MTUS2: variants seen among roughly 807,000 people sequenced by gnomAD.
The protein encoded by MTUS2 is microtubule associated scaffold protein 2, also known as microtubule-associated tumor suppressor candidate 2.
In MTUS2, 40 loss-of-function variants were observed where a neutral mutation model predicts 114.1. That is an observed-to-expected ratio of 0.35 (90% confidence interval 0.27 to 0.46). The LOEUF is 0.46. MTUS2 is among the 20% of genes least tolerant of loss of function. MTUS2 has a pLI of 1.00. For synonymous variants in MTUS2, 688 were observed against 672.0 expected (o/e 1.02, Z -0.37); for missense variants, 1,679 against 1,705.4 (o/e 0.98, Z 0.27).
chr13:28,871,119 A>G (rs1319084030), intron 2 of MTUS2, among the ~76,000 whole-genome samples: 2 of 152,232 alleles, frequency 1.3e-5, no homozygotes, highest in Non-Finnish European at 1.5e-5. Flanking sequence ...TGTAATCCTT[A>G]TAGCTTCATG....
chr13:28,999,971 A>G (rs1885308813), intron 2 of MTUS2, among the ~76,000 whole-genome samples: 1 of 152,208 alleles, frequency 6.6e-6, no homozygotes, highest in Non-Finnish European at 1.5e-5. Context: ...TTAATAGCTG[A>G]ATAGTATTCC....
chr13:29,194,438 A>G (rs1894585718), intron 5 of MTUS2, among the ~76,000 whole-genome samples: 1 of 151,798 alleles, frequency 6.6e-6, no homozygotes, highest in African/African-American at 2.4e-5. Flanking sequence ...GGCGAAGGAC[A>G]TGAACAGACA....
At chr13:29,464,425 T>A (rs7987266) in intron 9 of MTUS2, among the ~76,000 whole-genome samples, 3,375 of 152,328 alleles carry the variant, frequency 0.022, 110 homozygotes, top group African/African-American at 0.073. Flanking sequence ...GGAGAGTCAG[T>A]GTGGCAGCCC....
At chr13:28,917,427 T>C (rs941991083) in intron 2 of MTUS2, among the ~76,000 whole-genome samples, 2 of 151,884 alleles carry the variant, frequency 1.3e-5, no homozygotes, top group African/African-American at 4.8e-5. Flanking sequence ...TATTGCAGTT[T>C]CTGTCTCATT....
intron 5 of MTUS2, among the ~76,000 whole-genome samples, chr13:29,249,037 G>A (rs1248734326): frequency 5.9e-5 from 9 of 152,124 alleles, no homozygotes; most frequent in African/African-American, 2.2e-4. Flanking sequence ...ACCCAGGCTG[G>A]AGTGCAGTGG....
intron 3 of MTUS2, 75 bp from the exon 4 acceptor site, chr13:29,033,810 C>T (rs969222896): frequency 2.0e-5 from 32 of 1,563,316 alleles, no homozygotes; most frequent in South Asian, 5.9e-5. Flanking sequence ...GGTTCAGCCT[C>T]GGTCTCGTGG....
chr13:29,022,569 A>G (rs1886337256), intron 2 of MTUS2, among the ~76,000 whole-genome samples: 1 of 152,208 alleles, frequency 6.6e-6, no homozygotes, highest in South Asian at 2.1e-4. Flanking sequence ...TTGCCATGTA[A>G]CCTGTTTCAG....
At chr13:29,469,238 C>T (rs558719021) in intron 9 of MTUS2, among the ~76,000 whole-genome samples, 1 of 152,328 alleles carries the variant, frequency 6.6e-6, no homozygotes, top group East Asian at 1.9e-4. Flanking sequence ...TGTGACCACT[C>T]CCCTTCCTGG....
intron 8 of MTUS2, among the ~76,000 whole-genome samples, chr13:29,393,530 C>G (rs11838932): frequency 0.041 from 6,252 of 152,266 alleles, 438 homozygotes; most frequent in African/African-American, 0.14. Context: ...TCCTTCCCTT[C>G]CCCTGCAGTC....
intron 5 of MTUS2, among the ~76,000 whole-genome samples, chr13:29,156,727 T>C (rs9579299): frequency 0.15 from 23,073 of 152,188 alleles, 1,933 homozygotes; most frequent in Middle Eastern, 0.21. Context: ...GTTATTCGTT[T>C]ATATGAAAAG....
rs1296505813 is a variant in MTUS2 at position 29,480,209 on chromosome 13, T to A, written c.3244T>A (p.Phe1082Ile). ...GGAGAAGGAGGAGCTGGAGAGGCGG[T>A]TCGAGGACGAGGTGAAGAGGCTGGG... ...QKEKEELERR[F>I]EDEVKRLGWQ... The change falls in exon 10 of 16, where the codon TTC (phenylalanine) becomes ATC (isoleucine). Residue 1082 changes from phenylalanine (F) to isoleucine (I), a missense_variant. Around this residue, in one of 3 missense-constraint regions of MTUS2, gnomAD observed 822 missense variants for 899.7 expected, o/e 0.91. Transcript: ENST00000612955. This position sits in a 1 kb window ranked among gnomAD's most constrained non-coding sequence, Gnocchi z 4.4. 1 of 1,555,538 alleles carries A rather than the reference T, an allele frequency of 6.4e-7. No individual in the cohort carries two copies. Among genetic ancestry groups the A allele is most frequent in the East Asian group, 2.4e-5 (1 of 41,374 alleles).
intron 7 of MTUS2, among the ~76,000 whole-genome samples, chr13:29,342,727 G>A (rs1352803457): frequency 6.6e-6 from 1 of 152,114 alleles, no homozygotes; most frequent in African/African-American, 2.4e-5. Flanking sequence ...GGGCATCCTT[G>A]ACTTGTTCCA....
intron 2 of MTUS2, among the ~76,000 whole-genome samples, chr13:28,976,196 C>T (rs1482392724): frequency 8.2e-6 from 1 of 121,328 alleles, no homozygotes; most frequent in Non-Finnish European, 1.6e-5. Context: ...AGAATGAGAC[C>T]TTGTCTCAAA....
rs1207362799 is a variant in MTUS2, at chr13:29,167,719, T to C, written c.2644+66749T>C. Among the ~76,000 whole-genome samples, 5 of 152,136 alleles carry C rather than the reference T, an allele frequency of 3.3e-5. No homozygotes were observed. The East Asian group carries it at 9.6e-4, about 29-fold the overall frequency. On this transcript the variant is annotated intron_variant, in intron 5 of 15. Coordinates refer to ENST00000612955, the MANE Select transcript of MTUS2 (RefSeq NM_001033602.4). ...AAATGCTCCAAAATCCAAAACTCTT[T>C]GAGCATCAACATGATGCTCAAAGCA...
intron 5 of MTUS2, among the ~76,000 whole-genome samples, chr13:29,257,017 A>G (rs1247380178): frequency 2.0e-5 from 3 of 152,164 alleles, no homozygotes; most frequent in Non-Finnish European, 4.4e-5. Flanking sequence ...ATTCTTTACT[A>G]TATACATATA....
chr13:29,313,153 A>T (rs4589402), intron 6 of MTUS2, among the ~76,000 whole-genome samples: 150,860 of 152,272 alleles, frequency 0.99, 74,742 homozygotes, highest in Middle Eastern at 1. Flanking sequence ...CAGGCTGAGG[A>T]GTGAAGGATG....
chr13:29,182,927 G>T (rs1326134975), intron 5 of MTUS2, among the ~76,000 whole-genome samples: 2 of 152,124 alleles, frequency 1.3e-5, no homozygotes, highest in African/African-American at 2.4e-5. Flanking sequence ...AGGGGAGGGA[G>T]CAGGGGGAGA....
intron 4 of MTUS2, among the ~76,000 whole-genome samples, chr13:29,093,420 C>A (rs143972802): frequency 1.3e-5 from 2 of 151,942 alleles, no homozygotes; most frequent in Non-Finnish European, 2.9e-5. Context: ...TCCAGCCTGG[C>A]GACAGAGCAA....
chr13:28,850,725 G>A (rs998365257), intron 2 of MTUS2, among the ~76,000 whole-genome samples: 1 of 152,184 alleles, frequency 6.6e-6, no homozygotes, highest in Non-Finnish European at 1.5e-5. Flanking sequence ...CTGGAGACTG[G>A]TCTTTAGACA....
Sources: allele counts gnomAD v4.1 joint callset (sites outside exome capture counted in the v4.1 genomes callset), GRCh38; gene constraint gnomAD v4.1.1; regional missense constraint gnomAD v4.1.1; non-coding constraint Gnocchi (gnomAD v3.1); transcripts MANE v1.5; gene names NCBI Gene and HGNC (gene_info 2026-07-23, HGNC 2026-07-21).